RBBP8: variants seen among roughly 807,000 people sequenced by gnomAD.
The protein encoded by RBBP8 is RB binding protein 8, endonuclease.
RBBP8 carries 88 observed loss-of-function variants against 108.3 expected under a neutral mutation model. That is an observed-to-expected ratio of 0.81 (90% CI 0.68 to 0.97). The LOEUF (loss-of-function observed/expected upper bound fraction) is 0.97, where lower values mean the gene tolerates loss of function less well. Ranked by LOEUF, RBBP8 falls within the 50% of genes least tolerant of loss-of-function variation. The probability of loss-of-function intolerance (pLI) is 0.00; values close to 1 mark genes in which losing one functional copy is unlikely to be tolerated. For missense variants in RBBP8, 1,023 were observed against 1,049.0 expected (o/e 0.98, Z 0.34); for synonymous variants, 332 against 348.2 (o/e 0.95, Z 0.52).
intron 4 of RBBP8, among the ~76,000 whole-genome samples, chr18:22,951,755 T>C (rs1912063255): frequency 6.6e-6 from 1 of 152,230 alleles, no homozygotes; most frequent in Non-Finnish European, 1.5e-5. Flanking sequence ...CACAACCCCC[T>C]CCTCGGGTTA....
At chr18:23,001,999 C>CT (rs1044340616) in intron 15 of RBBP8, among the ~76,000 whole-genome samples, 3 of 151,998 alleles carry the variant, frequency 2.0e-5, no homozygotes, top group African/African-American at 7.2e-5. Flanking sequence ...AACTAAGAAA[C>CT]TAAGATTAGT....
intron 17 of RBBP8, among the ~76,000 whole-genome samples, chr18:23,020,422 A>G (rs948298050): frequency 3.3e-5 from 5 of 151,338 alleles, no homozygotes; most frequent in Admixed American, 1.3e-4. Flanking sequence ...ACTCCATCTC[A>G]ATAAATAAAT....
intron 3 of RBBP8, among the ~76,000 whole-genome samples, chr18:22,921,659 A>C (rs1024686098): frequency 1.3e-5 from 2 of 152,248 alleles, no homozygotes; most frequent in African/African-American, 2.4e-5. Flanking sequence ...CAGCAATTTC[A>C]AATGGAGAGG....
chr18:22,960,033 A>G (rs892290747), intron 4 of RBBP8, among the ~76,000 whole-genome samples: 47 of 151,768 alleles, frequency 3.1e-4, no homozygotes, highest in African/African-American at 1.1e-3. Context: ...CTGGGACTAC[A>G]GGCACCCGCC....
intron 18 of RBBP8, 95 bp downstream of exon 18, chr18:23,022,365 C>T: frequency 1.6e-6 from 2 of 1,238,298 alleles, no homozygotes; most frequent in Non-Finnish European, 2.2e-6. Context: ...CTTTGAGAGG[C>T]CAAGGTGGGT....
chr18:22,982,937 C>T (rs1358777528), intron 7 of RBBP8, among the ~76,000 whole-genome samples: 1 of 152,200 alleles, frequency 6.6e-6, no homozygotes, highest in Non-Finnish European at 1.5e-5. Flanking sequence ...AACTTTCCTA[C>T]TCTCCAGGTC....
intron 6 of RBBP8, among the ~76,000 whole-genome samples, chr18:22,977,500 C>G (rs1018715994): frequency 6.6e-6 from 1 of 151,962 alleles, no homozygotes; most frequent in Admixed American, 6.6e-5. Context: ...GTATTGAGGT[C>G]ATCATTCTTT....
intron 16 of RBBP8, among the ~76,000 whole-genome samples, chr18:23,010,841 A>G (rs929630933): frequency 1.3e-5 from 2 of 152,158 alleles, no homozygotes; most frequent in Non-Finnish European, 2.9e-5. Flanking sequence ...TATCAGGGAC[A>G]AGAAGCTTGT....
intron 5 of RBBP8, among the ~76,000 whole-genome samples, chr18:22,973,994 C>T (rs1489282330): frequency 1.3e-5 from 2 of 152,142 alleles, no homozygotes; most frequent in East Asian, 1.9e-4. Context: ...GGATCCTCCA[C>T]GAAAGTAGTT....
chr18:22,971,888 G>A (rs149298088), intron 5 of RBBP8, among the ~76,000 whole-genome samples: 1,768 of 149,012 alleles, frequency 0.012, 26 homozygotes, highest in African/African-American at 0.031. Context: ...CTCGTGATCC[G>A]CTCACCTCGG....
chr18:22,992,628 A>T, intron 10 of RBBP8, 120 bp from the exon 11 acceptor site: 1 of 758,560 alleles, frequency 1.3e-6, no homozygotes, highest in Non-Finnish European at 2.1e-6. Context: ...TGTCATCTAA[A>T]TGAAGAGAAG....
chr18:22,970,666 G>A (rs748712654), intron 5 of RBBP8, among the ~76,000 whole-genome samples: 16 of 152,136 alleles, frequency 1.1e-4, no homozygotes, highest in Non-Finnish European at 8.8e-5. Context: ...TTATATGATC[G>A]TCTTCTTGGG....
chr18:23,008,189 A>G (rs2046092053), intron 16 of RBBP8, among the ~76,000 whole-genome samples: 1 of 152,146 alleles, frequency 6.6e-6, no homozygotes, highest in Non-Finnish European at 1.5e-5. Context: ...ATAGTCACCT[A>G]CTATTTGTTC....
Position 23,026,200 on chromosome 18 carries a change from A to G in RBBP8, c.2654A>G (p.Asn885Ser), listed in dbSNP as rs2046448225. Residue 885 changes from asparagine to serine, a missense_variant, in exon 19 of 19, where the codon AAC becomes AGC. Physicochemically the swap from Asn to Ser is conservative, Grantham distance 46 (BLOSUM62 1). Transcript: ENST00000327155. Reference sequence around the variant, plus strand: ...CGTCCAAAAAGACGTCAGCCTTACAACGCAATATTTTCTCCAAAAGGCAAG... The same window carrying G: ...CGTCCAAAAAGACGTCAGCCTTACAGCGCAATATTTTCTCCAAAAGGCAAG... ...CPRPKRRQPY[N>S]AIFSPKGKEQ... The G allele has an allele frequency of 6.2e-7, 1 of 1,613,784 alleles. No individual in the cohort carries two copies. Among genetic ancestry groups the G allele is most frequent in the Admixed American group, 1.7e-5 (1 of 60,008 alleles).
chr18:22,939,365 G>A lies in RBBP8; in HGVS notation c.109+2405G>A, dbSNP rs183916005. Among the ~76,000 whole-genome samples, 28 of 152,242 alleles carry A rather than the reference G, an allele frequency of 1.8e-4. No individual in the cohort carries two copies. The East Asian group carries it at 4.6e-3, about 25-fold the overall frequency. On this transcript the variant is annotated intron_variant, in intron 2 of 18. Transcript: ENST00000327155. ...CTACTAAAAATACAAAATTAGCCGGGTGTGGTGGTGCGCACCTGTAATCCC... is the reference window on the plus strand; with the variant it reads ...CTACTAAAAATACAAAATTAGCCGGATGTGGTGGTGCGCACCTGTAATCCC...
intron 6 of RBBP8, among the ~76,000 whole-genome samples, chr18:22,977,227 A>G (rs1914560996): frequency 6.6e-6 from 1 of 151,622 alleles, no homozygotes; most frequent in Admixed American, 6.6e-5. Flanking sequence ...GTTTTTAAAA[A>G]AGCAAGTATC....
At position 22,993,467 on chromosome 18, in the gene RBBP8, A is replaced by G. The variant is rs749827066; in HGVS notation, c.1640A>G (p.Lys547Arg). 5.9e-5 allele frequency: 96 copies of G among 1,614,128 alleles called. No homozygotes were observed. Among genetic ancestry groups the G allele is most frequent in the Non-Finnish European group, 8.0e-5 (94 of 1,180,046 alleles). Reference protein sequence around the residue: ...KASDGNCTLPKDSPGEPCSQE... With the variant: ...KASDGNCTLPRDSPGEPCSQE... ...TCAGATGGCAACTGCACGTTGCCCA[A>G]AGATTCCCCAGGGGAGCCCTGTTCA... is the stretch of plus-strand genomic sequence containing the variant. Residue 547 changes from lysine (K) to arginine (R), a missense_variant, in exon 11 of 19, where the codon AAA becomes AGA. Transcript: ENST00000327155.
chr18:22,973,947 C>A (rs1205861984), intron 5 of RBBP8, among the ~76,000 whole-genome samples: 1 of 152,180 alleles, frequency 6.6e-6, no homozygotes, highest in Non-Finnish European at 1.5e-5. Flanking sequence ...TTAGACTGCA[C>A]ATTGCTTTAG....
At chr18:22,922,325 C>G (rs1909624851) in intron 3 of RBBP8, among the ~76,000 whole-genome samples, 2 of 152,122 alleles carry the variant, frequency 1.3e-5, no homozygotes, top group African/African-American at 4.8e-5. Context: ...AAAAATAACA[C>G]TATCTCCTTA....
Sources: allele counts gnomAD v4.1 joint callset (sites outside exome capture counted in the v4.1 genomes callset), GRCh38; gene constraint gnomAD v4.1.1; transcripts MANE v1.5; gene names NCBI Gene and HGNC (gene_info 2026-07-23, HGNC 2026-07-21).